ARHGAP10: variants seen among roughly 807,000 people sequenced by gnomAD.
ARHGAP10 encodes rho GTPase-activating protein 10.
In ARHGAP10, 87 loss-of-function variants were observed where a neutral mutation model predicts 108.6. The ratio of observed to expected loss-of-function variants is 0.80; its 90% CI spans 0.67 to 0.96. The LOEUF is 0.96. ARHGAP10 is among the 40% of genes least tolerant of loss of function. The pLI, the probability that ARHGAP10 is intolerant of heterozygous loss-of-function variation, is 0.00. For missense variants in ARHGAP10, 939 were observed against 954.5 expected (o/e 0.98, Z 0.21); for synonymous variants, 347 against 341.1 (o/e 1.02, Z -0.19).
At chr4:147,978,771 G>C (rs926512760) in intron 18 of ARHGAP10, among the ~76,000 whole-genome samples, 1 of 152,086 alleles carries the variant, frequency 6.6e-6, no homozygotes, top group Non-Finnish European at 1.5e-5. Flanking sequence ...AATACAGATG[G>C]TATCTCATTG....
chr4:147,797,668 C>T (rs927734946), intron 1 of ARHGAP10, among the ~76,000 whole-genome samples: 1 of 152,204 alleles, frequency 6.6e-6, no homozygotes, highest in African/African-American at 2.4e-5. Flanking sequence ...GCCTCAGCCT[C>T]CCAGAGTGCT....
intron 10 of ARHGAP10, among the ~76,000 whole-genome samples, chr4:147,900,538 G>A (rs1314176057): frequency 1.3e-5 from 2 of 152,092 alleles, no homozygotes; most frequent in African/African-American, 2.4e-5. Flanking sequence ...TATGTGATGA[G>A]TTATCCAGAG....
At chr4:147,823,766 G>GA (rs1732597020) in intron 3 of ARHGAP10, among the ~76,000 whole-genome samples, 1 of 151,706 alleles carries the variant, frequency 6.6e-6, no homozygotes, top group Non-Finnish European at 1.5e-5. Context: ...CAAAAAAAAA[G>GA]AAAAAACAAA....
chr4:148,050,902 A>G (rs953908435), intron 20 of ARHGAP10, among the ~76,000 whole-genome samples: 3 of 152,192 alleles, frequency 2.0e-5, no homozygotes, highest in East Asian at 1.9e-4. Context: ...CAAAGTTGCT[A>G]TGGAGTCATT....
intron 1 of ARHGAP10, among the ~76,000 whole-genome samples, chr4:147,784,805 T>C (rs1227526038): frequency 0.023 from 169 of 7,252 alleles, 30 homozygotes; most frequent in African/African-American, 0.027. Context: ...ATTATAAATA[T>C]AATATATTAT....
At chr4:148,037,469 T>C (rs1289046116) in intron 19 of ARHGAP10, among the ~76,000 whole-genome samples, 1 of 152,178 alleles carries the variant, frequency 6.6e-6, no homozygotes. Flanking sequence ...AGTAGGATAC[T>C]TTGACCTGTA....
intron 5 of ARHGAP10, among the ~76,000 whole-genome samples, chr4:147,858,933 A>G (rs1157728644): frequency 6.6e-6 from 1 of 152,180 alleles, no homozygotes; most frequent in African/African-American, 2.4e-5. Context: ...CATCTAGTCC[A>G]TCAGTATGTC....
At chr4:147,968,057 G>A (rs1229169157) in intron 18 of ARHGAP10, among the ~76,000 whole-genome samples, 2 of 152,242 alleles carry the variant, frequency 1.3e-5, no homozygotes, top group African/African-American at 4.8e-5. Context: ...TATGGCATTT[G>A]TTGGTGTTAG....
chr4:147,753,429 T>C (rs1368671502), intron 1 of ARHGAP10, among the ~76,000 whole-genome samples: 1 of 151,646 alleles, frequency 6.6e-6, no homozygotes, highest in African/African-American at 2.4e-5. Context: ...CTACAACCTC[T>C]GCCTCCTGGG....
intron 1 of ARHGAP10, among the ~76,000 whole-genome samples, chr4:147,737,326 C>CTTTT (rs5862810): frequency 5.3e-5 from 7 of 133,048 alleles, no homozygotes; most frequent in African/African-American, 2.0e-4. Context: ...AATTTTTGTA[C>CTTTT]TTTTTTTTTT....
chr4:148,012,133 G>C (rs1409350916), intron 18 of ARHGAP10, among the ~76,000 whole-genome samples: 1 of 152,168 alleles, frequency 6.6e-6, no homozygotes, highest in Admixed American at 6.5e-5. Flanking sequence ...TATCCTGACT[G>C]TTCTCTCTCC....
intron 18 of ARHGAP10, among the ~76,000 whole-genome samples, chr4:148,008,388 A>G (rs1486829104): frequency 6.6e-6 from 1 of 151,970 alleles, no homozygotes; most frequent in Non-Finnish European, 1.5e-5. Flanking sequence ...TTGTAGTTTT[A>G]AAGTGGTGGA....
intron 1 of ARHGAP10, among the ~76,000 whole-genome samples, chr4:147,784,122 AAC>A: frequency 7.9e-6 from 1 of 126,668 alleles, no homozygotes; most frequent in Non-Finnish European, 1.6e-5. Context: ...TAATTTACAT[AAC>A]ATTAAATTGT....
chr4:148,036,402 G>A (rs747980763), intron 19 of ARHGAP10, among the ~76,000 whole-genome samples: 142 of 152,234 alleles, frequency 9.3e-4, no homozygotes, highest in African/African-American at 2.3e-3. Context: ...TAATCCCCAC[G>A]TGTCGTGGGA....
intron 15 of ARHGAP10, among the ~76,000 whole-genome samples, chr4:147,953,100 T>G (rs1275546893): frequency 6.6e-6 from 1 of 151,950 alleles, no homozygotes; most frequent in Non-Finnish European, 1.5e-5. Context: ...TATGCTAGTA[T>G]TGTATTCCTG....
At chr4:147,751,932 T>A (rs145204086) in intron 1 of ARHGAP10, among the ~76,000 whole-genome samples, 119 of 149,832 alleles carry the variant, frequency 7.9e-4, no homozygotes, top group African/African-American at 2.7e-3. Context: ...TGCCATCAGG[T>A]TGGAGTGCAG....
At position 147,881,881 on chromosome 4, in the gene ARHGAP10, A is replaced by C; in HGVS notation, c.983A>C (p.His328Pro). The C allele has an allele frequency of 6.2e-7, 1 of 1,614,128 alleles. No homozygotes were observed. Among genetic ancestry groups the C allele is most frequent in the Non-Finnish European group, 8.5e-7 (1 of 1,180,012 alleles). ...TTTTTGAAAGAATGTACCAAGAGGC[A>C]TACTGACTCCATTGACAGAAGGTTT... ...VFFLKECTKR[H>P]TDSIDRRFCF... Residue 328 changes from histidine (H) to proline (P), a missense_variant, in exon 10 of 23, where the codon CAT (histidine) becomes CCT (proline). Transcript: ENST00000336498.
chr4:147,793,302 A>G (rs1016412486), intron 1 of ARHGAP10, among the ~76,000 whole-genome samples: 5 of 129,374 alleles, frequency 3.9e-5, no homozygotes, highest in African/African-American at 1.4e-4. Flanking sequence ...AATATAACAC[A>G]CACATATATA....
intron 18 of ARHGAP10, among the ~76,000 whole-genome samples, chr4:147,969,717 T>C (rs78181235): frequency 1.8e-3 from 279 of 152,296 alleles, no homozygotes; most frequent in African/African-American, 6.4e-3. Flanking sequence ...TGTTAATAAA[T>C]CTTACAGGAA....
Sources: allele counts gnomAD v4.1 joint callset (sites outside exome capture counted in the v4.1 genomes callset), GRCh38; gene constraint gnomAD v4.1.1; transcripts MANE v1.5; gene names NCBI Gene and HGNC (gene_info 2026-07-23, HGNC 2026-07-21).